The following ZDHHC3 variants were observed in gnomAD, a reference collection of about 807,000 sequenced individuals.
ZDHHC3 encodes the protein palmitoyltransferase ZDHHC3.
Under a neutral mutation model 30.6 loss-of-function variants are expected in ZDHHC3, and 9 were observed. The ratio of observed to expected loss-of-function variants is 0.29; its 90% confidence interval spans 0.18 to 0.51. The LOEUF (loss-of-function observed/expected upper bound fraction) is 0.51, where lower values mean the gene tolerates loss of function less well. Ranked by LOEUF, ZDHHC3 falls within the 20% of genes least tolerant of loss-of-function variation. The pLI is 0.97. For synonymous variants in ZDHHC3, 136 were observed against 140.2 expected, an observed-to-expected ratio of 0.97 and a Z score of 0.21; for missense variants, 246 against 384.2, an observed-to-expected ratio of 0.64 and a Z score of 3.01.
intron 3 of ZDHHC3, among the ~76,000 whole-genome samples, chr3:44,939,341 C>G (rs893456179): frequency 2.0e-5 from 3 of 152,198 alleles, no homozygotes; most frequent in Non-Finnish European, 2.9e-5. Flanking sequence ...TTGGTAATGC[C>G]TGTTCCCAAT....
Position 44,923,997 on chromosome 3 carries a change from A to G in ZDHHC3, c.*2692T>C. ...TCTAGTTGCTATGAACACAAACCTG[A>G]CAGAGTTGACAGAAGGAAAGCAAGC... is the stretch of plus-strand genomic sequence containing the variant. On this transcript the variant is annotated 3_prime_UTR_variant, in exon 7 of 7. Transcript: ENST00000424952. 1.0e-6 allele frequency: 1 copy of G among 985,476 alleles called. No homozygotes were observed. The highest frequency in any genetic ancestry group is 1.2e-6 in the Non-Finnish European group (1 of 829,944). The allele number at this position is 985,476 out of a possible 1,614,324, so 61.0% of individuals were successfully genotyped here. A position where few individuals can be genotyped will look rare whatever the true frequency, so the allele number is the denominator to read the frequency against.
rs1322143000 is a variant in ZDHHC3, at chr3:44,924,780, A to T, written c.*1909T>A. 19 of 985,364 alleles carry T rather than the reference A, an allele frequency of 1.9e-5. No homozygotes were observed. The highest frequency in any genetic ancestry group is 1.7e-5 in the Non-Finnish European group (14 of 829,946). The allele number at this position is 985,364 out of a possible 1,614,324, so 61.0% of individuals were successfully genotyped here. A position where few individuals can be genotyped will look rare whatever the true frequency, so the allele number is the denominator to read the frequency against. ...TAACTGAGCTGTATGTTATGAAAAA[A>T]TTTTAAAAAAGCATATGGAAAACAA... is the stretch of plus-strand genomic sequence containing the variant. On this transcript the variant is annotated 3_prime_UTR_variant, in exon 7 of 7. Coordinates refer to ENST00000424952, the MANE Select transcript of ZDHHC3 (RefSeq NM_001135179.2).
chr3:44,925,512 C>T lies in ZDHHC3; in HGVS notation c.*1177G>A. On this transcript the variant is annotated 3_prime_UTR_variant, in exon 7 of 7. Coordinates refer to ENST00000424952, the MANE Select transcript of ZDHHC3 (RefSeq NM_001135179.2). ...TCAAACAAGACTGACACAGGAAGTG[C>T]CTCTCAAATGGAAAATCTATTCTGT... 1.0e-6 allele frequency: 1 copy of T among 985,458 alleles called. No homozygotes were observed. Among genetic ancestry groups the T allele is most frequent in the Non-Finnish European group, 1.2e-6 (1 of 829,934 alleles). The allele number at this position is 985,458 out of a possible 1,614,324, so 61.0% of individuals were successfully genotyped here.
Position 44,917,916 on chromosome 3 carries a change from A to T in ZDHHC3, c.*8773T>A. On this transcript the variant is annotated 3_prime_UTR_variant, in exon 7 of 7. Coordinates refer to ENST00000424952, the MANE Select transcript of ZDHHC3 (RefSeq NM_001135179.2). Reference sequence around the variant, plus strand: ...GCATCTATTCATCTGTCACCTCCACAGAGTCCTCGTCCTTTGTCTCCTCTG... The same window carrying T: ...GCATCTATTCATCTGTCACCTCCACTGAGTCCTCGTCCTTTGTCTCCTCTG... The T allele has an allele frequency of 7.7e-7, 1 of 1,304,326 alleles. No homozygotes were observed. Among genetic ancestry groups the T allele is most frequent in the South Asian group, 1.2e-5 (1 of 81,012 alleles). The allele number at this position is 1,304,326 out of a possible 1,614,324, so 80.8% of individuals were successfully genotyped here. A position where few individuals can be genotyped will look rare whatever the true frequency, so the allele number is the denominator to read the frequency against.
chr3:44,959,015 C>T lies in ZDHHC3; in HGVS notation c.306+116G>A, dbSNP rs372482463. The T allele has an allele frequency of 2.6e-4, 335 of 1,295,362 alleles. 2 individuals are homozygous for T. The East Asian group carries it at 4.2e-3, about 16-fold the overall frequency. The allele number at this position is 1,295,362 out of a possible 1,614,324, so 80.2% of individuals were successfully genotyped here. A position where few individuals can be genotyped will look rare whatever the true frequency, so the allele number is the denominator to read the frequency against. ...GCAGAGATCTACTTCCTCACCCTCC[C>T]CTGGCCCTCCTATCCTCCAAGTTCC... On this transcript the variant is annotated intron_variant, in intron 2 of 6. Coordinates refer to ENST00000424952, the MANE Select transcript of ZDHHC3 (RefSeq NM_001135179.2). The surrounding 1 kb of genome is among the most constrained non-coding windows in gnomAD (Gnocchi z 4.3).
intron 2 of ZDHHC3, among the ~76,000 whole-genome samples, chr3:44,946,381 A>G (rs1702933717): frequency 1.3e-5 from 2 of 152,220 alleles, no homozygotes; most frequent in African/African-American, 4.8e-5. Context: ...CAGGCAGTGC[A>G]CAGGCCTAAG....
At chr3:44,951,996 A>G (rs1703497110) in intron 2 of ZDHHC3, among the ~76,000 whole-genome samples, 1 of 152,114 alleles carries the variant, frequency 6.6e-6, no homozygotes, top group Non-Finnish European at 1.5e-5. Context: ...TCTCCTGAAC[A>G]ATCTTCAACT....
At position 44,916,700 on chromosome 3, in the gene ZDHHC3, A is replaced by C. The variant is rs1700195314; in HGVS notation, c.*9989T>G. The C allele has an allele frequency of 6.6e-6, 1 of 152,232 alleles. No individual in the cohort carries two copies. The highest frequency in any genetic ancestry group is 2.4e-5 in the African/African-American group (1 of 41,452). The allele number at this position is 152,232 out of a possible 1,614,324, so 9.4% of individuals were successfully genotyped here. ...ACCCTTCTGTTGGGCTTTGTGCAGAAGATGCTGCTTCAGCAACCACTGGAA... is the reference window on the plus strand; with the variant it reads ...ACCCTTCTGTTGGGCTTTGTGCAGACGATGCTGCTTCAGCAACCACTGGAA... On this transcript the variant is annotated 3_prime_UTR_variant, in exon 7 of 7. Transcript: ENST00000424952.
chr3:44,920,602 GGAACCA>G lies in ZDHHC3; in HGVS notation c.*6081_*6086del. On this transcript the variant is annotated 3_prime_UTR_variant, in exon 7 of 7. Transcript: ENST00000424952. ...ATCTAGCTTGTTATGTATCAGAACT[GGAACCA>G]GAACTAGTGTCTTTTTTTCTGCCCA... 1 of 985,396 alleles carries G rather than the reference GGAACCA, an allele frequency of 1.0e-6. No individual in the cohort carries two copies. Among genetic ancestry groups the G allele is most frequent in the Non-Finnish European group, 1.2e-6 (1 of 829,916 alleles). The allele number at this position is 985,396 out of a possible 1,614,324, so 61.0% of individuals were successfully genotyped here.
chr3:44,926,703 G>A lies in ZDHHC3; in HGVS notation c.886C>T (p.Gln296Ter). 1 of 1,609,830 alleles carries A rather than the reference G, an allele frequency of 6.2e-7. No homozygotes were observed. The highest frequency in any genetic ancestry group is 8.5e-7 in the Non-Finnish European group (1 of 1,178,650). Residue 296 changes from glutamine to a stop codon, truncating the protein, a stop_gained, in exon 7 of 7, where the codon CAG (glutamine) becomes TAG (stop). Transcript: ENST00000424952. LOFTEE classifies it high-confidence loss of function. ...GTCGGGGTCCTTCAGACCACATACT[G>A]GTACGGGTCTGCCTTCCCTTGGTCT... is the stretch of plus-strand genomic sequence containing the variant. ...TPDQGKADPYQYVV is the reference protein window; with the variant it reads ...TPDQGKADPY
At chr3:44,948,057 C>A (rs1703104307) in intron 2 of ZDHHC3, among the ~76,000 whole-genome samples, 1 of 152,218 alleles carries the variant, frequency 6.6e-6, no homozygotes, top group Non-Finnish European at 1.5e-5. Context: ...TCACAGCAAG[C>A]TCCACTCCTC....
chr3:44,920,595 C>G lies in ZDHHC3; in HGVS notation c.*6094G>C. 1 of 985,360 alleles carries G rather than the reference C, an allele frequency of 1.0e-6. No homozygotes were observed. The highest frequency in any genetic ancestry group is 1.2e-6 in the Non-Finnish European group (1 of 829,900). 61.0% of individuals were successfully genotyped at this position (985,360 alleles called of 1,614,324 possible). On this transcript the variant is annotated 3_prime_UTR_variant, in exon 7 of 7. Coordinates refer to ENST00000424952, the MANE Select transcript of ZDHHC3 (RefSeq NM_001135179.2). Reference sequence around the variant, plus strand: ...AAGGCTCATCTAGCTTGTTATGTATCAGAACTGGAACCAGAACTAGTGTCT... The same window carrying G: ...AAGGCTCATCTAGCTTGTTATGTATGAGAACTGGAACCAGAACTAGTGTCT...
At chr3:44,944,896 C>A (rs768338942) in intron 3 of ZDHHC3, among the ~76,000 whole-genome samples, 5 of 152,208 alleles carry the variant, frequency 3.3e-5, no homozygotes, top group Non-Finnish European at 7.3e-5. Flanking sequence ...AAAGGCCCTG[C>A]CCAGGTCCTA....
intron 5 of ZDHHC3, 109 bp downstream of exon 5, chr3:44,933,004 TAATAA>T: frequency 6.2e-7 from 1 of 1,614,096 alleles, no homozygotes; most frequent in South Asian, 1.1e-5. Context: ...TCAGGAGATT[TAATAA>T]AATGAGGTTG....
chr3:44,975,370 G>C lies in ZDHHC3; in HGVS notation c.-25+563C>G, dbSNP rs115333909. 1,063 of 152,278 alleles carry C rather than the reference G, an allele frequency of 7.0e-3. 12 individuals carry two copies. Among genetic ancestry groups the C allele is most frequent in the African/African-American group, 0.025 (1,018 of 41,548 alleles). The allele number at this position is 152,278 out of a possible 1,614,324, so 9.4% of individuals were successfully genotyped here. On this transcript the variant is annotated intron_variant, in intron 1 of 6. Coordinates refer to ENST00000424952, the MANE Select transcript of ZDHHC3 (RefSeq NM_001135179.2). ...TCCCAGTAATCACTTCCATCAAGCCGGGGTTTCCAGTTCCCGCTAGGAAGC... is the reference window on the plus strand; with the variant it reads ...TCCCAGTAATCACTTCCATCAAGCCCGGGTTTCCAGTTCCCGCTAGGAAGC...
intron 6 of ZDHHC3, 53 bp from the exon 7 acceptor site, chr3:44,926,900 C>CT: frequency 6.5e-7 from 1 of 1,534,470 alleles, no homozygotes; most frequent in Non-Finnish European, 8.8e-7. Context: ...GCTGTGGTTT[C>CT]TGGGGAGGGA....
chr3:44,925,123 C>T lies in ZDHHC3; in HGVS notation c.*1566G>A, dbSNP rs76694485. 1,152 of 985,880 alleles carry T rather than the reference C, an allele frequency of 1.2e-3. 8 individuals are homozygous for T. In the African/African-American group the frequency reaches 0.018, roughly 15 times the overall value. The allele number at this position is 985,880 out of a possible 1,614,324, so 61.1% of individuals were successfully genotyped here. A position where few individuals can be genotyped will look rare whatever the true frequency, so the allele number is the denominator to read the frequency against. On this transcript the variant is annotated 3_prime_UTR_variant, in exon 7 of 7. Transcript: ENST00000424952. Reference sequence around the variant, plus strand: ...AAAACTCAAGTAGATTGTGGATAGTCGGCCTCCCACTAAGGGTAACACCTC... The same window carrying T: ...AAAACTCAAGTAGATTGTGGATAGTTGGCCTCCCACTAAGGGTAACACCTC...
At chr3:44,958,993 G>C in intron 2 of ZDHHC3, 138 bp downstream of exon 2, 1 of 1,048,498 alleles carries the variant, frequency 9.5e-7, no homozygotes, top group Non-Finnish European at 1.4e-6. Flanking sequence ...GAACAAGGCA[G>C]AGATCTACTT....
In ZDHHC3 at chr3:44,924,545, A is replaced by T. The variant is rs1173132562; in HGVS notation, c.*2144T>A. ...ATAGTATGCACAGCTTTAAAGGAGG[A>T]GTTTCTATTTTTAGGACTAAAAAAA... On this transcript the variant is annotated 3_prime_UTR_variant, in exon 7 of 7. Transcript: ENST00000424952. 4 of 985,384 alleles carry T rather than the reference A, an allele frequency of 4.1e-6. No homozygotes were observed. The highest frequency in any genetic ancestry group is 4.7e-5 in the South Asian group (1 of 21,286). 61.0% of individuals were successfully genotyped at this position (985,384 alleles called of 1,614,324 possible). A position where few individuals can be genotyped will look rare whatever the true frequency, so the allele number is the denominator to read the frequency against.
Sources: gnomAD v4.1 joint callset for allele counts (sites outside exome capture counted in the v4.1 genomes callset) on GRCh38, gnomAD v4.1.1 for gene constraint, Gnocchi (gnomAD v3.1) non-coding constraint, MANE v1.5 for transcripts, NCBI Gene and HGNC (gene_info 2026-07-23, HGNC 2026-07-21) for gene names.